Variants in ERBB4 observed in about 807,000 individuals in gnomAD.
ERBB4 encodes the protein erb-b2 receptor tyrosine kinase 4.
In ERBB4, 42 loss-of-function variants were observed where a neutral mutation model predicts 158.0. That is an observed-to-expected ratio of 0.27 (90% CI 0.21 to 0.34). ERBB4 has a LOEUF of 0.34. ERBB4 is among the 10% of genes least tolerant of loss of function. ERBB4 has a pLI of 1.00. For synonymous variants in ERBB4, 583 were observed against 558.7 expected, an observed-to-expected ratio of 1.04 and a Z score of -0.61; for missense variants, 1,333 against 1,624.1, an observed-to-expected ratio of 0.82 and a Z score of 3.08.
At chr2:211,641,629 T>C (rs1380208501) in intron 16 of ERBB4, among the ~76,000 whole-genome samples, 1 of 152,154 alleles carries the variant, frequency 6.6e-6, no homozygotes. Flanking sequence ...TAAACATAGA[T>C]ACTCCAAAAG....
chr2:211,561,815 G>A (rs751310695), intron 20 of ERBB4, 88 bp downstream of exon 20: 1 of 1,141,120 alleles, frequency 8.8e-7, no homozygotes, highest in South Asian at 1.2e-5. Context: ...TAAATGGGAA[G>A]ACAACATATT....
intron 1 of ERBB4, among the ~76,000 whole-genome samples, chr2:212,403,447 A>G (rs974627725): frequency 2.6e-5 from 4 of 152,114 alleles, no homozygotes; most frequent in Non-Finnish European, 5.9e-5. Context: ...TTGTACTCCC[A>G]TATTCATTGT....
chr2:211,402,345 G>T (rs556722797), intron 25 of ERBB4, among the ~76,000 whole-genome samples: 3 of 152,110 alleles, frequency 2.0e-5, no homozygotes, highest in Admixed American at 2.0e-4. Context: ...TTTAGATCTA[G>T]TTATCCTTGC....
intron 19 of ERBB4, among the ~76,000 whole-genome samples, chr2:211,617,678 G>C (rs990365930): frequency 2.0e-5 from 3 of 152,166 alleles, no homozygotes; most frequent in African/African-American, 4.8e-5. Context: ...TTTATATAAA[G>C]TAGTTAGCAT....
At chr2:212,286,394 T>C (rs972790205) in intron 1 of ERBB4, among the ~76,000 whole-genome samples, 1 of 152,070 alleles carries the variant, frequency 6.6e-6, no homozygotes, top group South Asian at 2.1e-4. Context: ...TAAGTTTCTG[T>C]ACTACCCATA....
intron 20 of ERBB4, among the ~76,000 whole-genome samples, chr2:211,495,946 T>C (rs56843217): frequency 0.11 from 16,817 of 152,046 alleles, 1,227 homozygotes; most frequent in African/African-American, 0.21. Context: ...CTTCTATTTC[T>C]ATGATCAAAA....
intron 1 of ERBB4, among the ~76,000 whole-genome samples, chr2:212,135,346 G>C (rs1019890529): frequency 2.0e-5 from 3 of 152,074 alleles, no homozygotes; most frequent in African/African-American, 7.2e-5. Flanking sequence ...AGTCTACCTT[G>C]ATATAGTCTT....
At chr2:211,900,141 C>G (rs1375742126) in intron 3 of ERBB4, among the ~76,000 whole-genome samples, 1 of 152,092 alleles carries the variant, frequency 6.6e-6, no homozygotes, top group Non-Finnish European at 1.5e-5. Context: ...TATAAATACC[C>G]AGGAGTGTCC....
chr2:211,458,351 C>T (rs920586862), intron 20 of ERBB4, among the ~76,000 whole-genome samples: 1 of 151,980 alleles, frequency 6.6e-6, no homozygotes, highest in Admixed American at 6.6e-5. Context: ...ACTGCAACCT[C>T]CGCCTCCCGG....
At chr2:211,868,605 T>C (rs1284406527) in intron 3 of ERBB4, among the ~76,000 whole-genome samples, 1 of 152,184 alleles carries the variant, frequency 6.6e-6, no homozygotes, top group African/African-American at 2.4e-5. Context: ...TGTTATTTTG[T>C]TTATTCTATG....
At chr2:212,173,696 AT>A (rs1482237658) in intron 1 of ERBB4, among the ~76,000 whole-genome samples, 1 of 152,076 alleles carries the variant, frequency 6.6e-6, no homozygotes, top group Non-Finnish European at 1.5e-5. Flanking sequence ...TGTTGATCTT[AT>A]TGTGACTGAC....
At chr2:211,540,215 C>CACAT (rs1553562681) in intron 20 of ERBB4, among the ~76,000 whole-genome samples, 2 of 140,978 alleles carry the variant, frequency 1.4e-5, no homozygotes, top group Non-Finnish European at 3.1e-5. Context: ...TACACACACA[C>CACAT]ATATATATAA....
intron 1 of ERBB4, among the ~76,000 whole-genome samples, chr2:212,344,061 C>T (rs1015894340): frequency 1.3e-5 from 2 of 151,928 alleles, no homozygotes; most frequent in East Asian, 1.9e-4. Context: ...GCATAATTTG[C>T]TGTTAATGGG....
At chr2:212,126,460 CAAAAAAAA>C (rs10585812) in intron 1 of ERBB4, among the ~76,000 whole-genome samples, 6 of 70,692 alleles carry the variant, frequency 8.5e-5, no homozygotes, top group Admixed American at 3.6e-4. Context: ...GACTCTGTCT[CAAAAAAAA>C]AAAAAAAAAA....
intron 4 of ERBB4, among the ~76,000 whole-genome samples, chr2:211,785,934 A>T (rs1429627027): frequency 6.6e-6 from 1 of 152,170 alleles, no homozygotes; most frequent in Non-Finnish European, 1.5e-5. Context: ...TCTTCTAAAA[A>T]TATTATGAGA....
At chr2:211,823,313 T>C (rs189834362) in intron 3 of ERBB4, among the ~76,000 whole-genome samples, 98 of 151,976 alleles carry the variant, frequency 6.4e-4, no homozygotes, top group African/African-American at 2.2e-3. Context: ...CAATTGCTAG[T>C]GTATGTGGGT....
At chr2:211,645,164 T>G (rs990118899) in intron 16 of ERBB4, among the ~76,000 whole-genome samples, 1 of 151,832 alleles carries the variant, frequency 6.6e-6, no homozygotes, top group Non-Finnish European at 1.5e-5. Flanking sequence ...AGTGTAAATT[T>G]AAGATGCTAT....
chr2:212,136,685 C>T (rs1481126727), intron 1 of ERBB4, among the ~76,000 whole-genome samples: 2 of 152,162 alleles, frequency 1.3e-5, no homozygotes, highest in Admixed American at 6.5e-5. Context: ...AGCTCTGGTT[C>T]ACTCCACTGT....
At chr2:211,888,639 G>C (rs915368002) in intron 3 of ERBB4, among the ~76,000 whole-genome samples, 4 of 152,092 alleles carry the variant, frequency 2.6e-5, no homozygotes, top group African/African-American at 4.8e-5. Context: ...CTGAGGTACC[G>C]GGTTTCTCTC....
Sources: gnomAD v4.1 joint callset for allele counts (sites outside exome capture counted in the v4.1 genomes callset) on GRCh38, gnomAD v4.1.1 for gene constraint, MANE v1.5 for transcripts, NCBI Gene and HGNC (gene_info 2026-07-23, HGNC 2026-07-21) for gene names.